The following WWOX variants were observed in gnomAD, a reference collection of about 807,000 sequenced individuals.
WWOX encodes WW domain containing oxidoreductase.
Under a neutral mutation model 46.2 loss-of-function variants are expected in WWOX, and 69 were observed. That is an observed-to-expected ratio of 1.49 (90% CI 1.23 to 1.82). WWOX has a LOEUF of 1.82. Among genes scored for constraint, WWOX ranks in the 40% most tolerant of loss-of-function variants. The probability of loss-of-function intolerance (pLI) is 0.00; values close to 1 mark genes in which losing one functional copy is unlikely to be tolerated. For synonymous variants in WWOX, 359 were observed against 202.6 expected (o/e 1.77, Z -6.56); for missense variants, 919 against 542.6 (o/e 1.69, Z -6.89).
chr16:78,914,826 C>T (rs148184835), intron 8 of WWOX, among the ~76,000 whole-genome samples: 2 of 147,820 alleles, frequency 1.4e-5, no homozygotes, highest in East Asian at 4.1e-4. Flanking sequence ...TTGCAGTGAG[C>T]CAGGATCGCG....
chr16:79,107,910 A>G (rs1365246007), intron 8 of WWOX, among the ~76,000 whole-genome samples: 1 of 152,230 alleles, frequency 6.6e-6, no homozygotes, highest in African/African-American at 2.4e-5. Context: ...GGGATTTTGG[A>G]AAATGATTAG....
chr16:78,452,383 TTTAA>T (rs1275992411), intron 8 of WWOX, among the ~76,000 whole-genome samples: 1 of 152,178 alleles, frequency 6.6e-6, no homozygotes, highest in African/African-American at 2.4e-5. Flanking sequence ...TGGCAGATCT[TTTAA>T]TTAGATATGT....
intron 8 of WWOX, among the ~76,000 whole-genome samples, chr16:78,910,504 T>C (rs2045081462): frequency 1.4e-5 from 1 of 71,380 alleles, no homozygotes; most frequent in Admixed American, 1.4e-4. Context: ...TCAGGATCTT[T>C]TGTTTTTTTT....
At chr16:79,068,924 C>T (rs1241203954) in intron 8 of WWOX, among the ~76,000 whole-genome samples, 1 of 151,850 alleles carries the variant, frequency 6.6e-6, no homozygotes, top group African/African-American at 2.4e-5. Context: ...GTCTGATGCC[C>T]ACGCTTAACC....
At chr16:78,315,171 C>T (rs995314609) in intron 5 of WWOX, among the ~76,000 whole-genome samples, 3 of 152,108 alleles carry the variant, frequency 2.0e-5, no homozygotes, top group South Asian at 4.1e-4. Flanking sequence ...AAACTCTGAA[C>T]GCGAGGCCAA....
intron 8 of WWOX, among the ~76,000 whole-genome samples, chr16:78,778,942 T>G (rs899956529): frequency 6.6e-6 from 1 of 152,160 alleles, no homozygotes; most frequent in Non-Finnish European, 1.5e-5. Flanking sequence ...GTTCACCCCT[T>G]GGCAATAATC....
At chr16:78,302,035 A>G (rs919814675) in intron 5 of WWOX, among the ~76,000 whole-genome samples, 3 of 151,086 alleles carry the variant, frequency 2.0e-5, no homozygotes, top group Non-Finnish European at 4.4e-5. Context: ...ATCTCAGCTG[A>G]TTGTAACCTC....
At chr16:78,120,438 C>T (rs182317027) in intron 4 of WWOX, among the ~76,000 whole-genome samples, 3 of 152,110 alleles carry the variant, frequency 2.0e-5, no homozygotes, top group Admixed American at 1.3e-4. Context: ...GGCGCAGTGG[C>T]GGGCGCCTGT....
chr16:78,368,428 C>G (rs944703058), intron 5 of WWOX, among the ~76,000 whole-genome samples: 9 of 152,132 alleles, frequency 5.9e-5, no homozygotes, highest in African/African-American at 2.2e-4. Context: ...TCACTGCTGT[C>G]CTTTGGTTTT....
At chr16:78,499,551 A>G (rs1018358733) in intron 8 of WWOX, among the ~76,000 whole-genome samples, 4 of 152,218 alleles carry the variant, frequency 2.6e-5, no homozygotes, top group Non-Finnish European at 4.4e-5. Flanking sequence ...TGAGTCCACA[A>G]TGCCGGGCGG....
In WWOX at chr16:78,388,625, G is replaced by A. The variant is rs369585417; in HGVS notation, c.605+1677G>A. On this transcript the variant is annotated intron_variant, in intron 6 of 8. Coordinates refer to ENST00000566780, the MANE Select transcript of WWOX (RefSeq NM_016373.4). Reference sequence around the variant, plus strand: ...TGGCACCACTGCACTCCAGCCTGGCGACAGATTGAGACTCCGTCTCAAAAA... The same window carrying A: ...TGGCACCACTGCACTCCAGCCTGGCAACAGATTGAGACTCCGTCTCAAAAA... 2.0e-3 allele frequency among the ~76,000 whole-genome samples: 224 copies of A among 113,500 alleles called. 1 individual carries two copies. Among genetic ancestry groups the A allele is most frequent in the African/African-American group, 7.9e-3 (216 of 27,230 alleles). 74.5% of individuals were successfully genotyped at this position (113,500 alleles called of 152,430 possible). A position where few individuals can be genotyped will look rare whatever the true frequency, so the allele number is the denominator to read the frequency against.
intron 8 of WWOX, among the ~76,000 whole-genome samples, chr16:78,916,736 C>G (rs2045260950): frequency 6.6e-6 from 1 of 152,164 alleles, no homozygotes; most frequent in Admixed American, 6.5e-5. Context: ...AAACTCTAAA[C>G]TAAGTGTCTG....
At chr16:78,375,756 C>T (rs2151925309) in intron 5 of WWOX, among the ~76,000 whole-genome samples, 1 of 151,970 alleles carries the variant, frequency 6.6e-6, no homozygotes, top group African/African-American at 2.4e-5. Flanking sequence ...ATTTGTATTG[C>T]AGCATTGCTT....
At position 78,891,449 on chromosome 16, in the gene WWOX, G is replaced by A. The variant is rs1055646012; in HGVS notation, c.1057-320159G>A. The A allele has an allele frequency of 1.1e-4, 16 of 152,272 alleles. 1 individual carries two copies. Among genetic ancestry groups the A allele is most frequent in the Admixed American group, 8.5e-4 (13 of 15,284 alleles). The allele number at this position is 152,272 out of a possible 1,614,324, so 9.4% of individuals were successfully genotyped here. A position where few individuals can be genotyped will look rare whatever the true frequency, so the allele number is the denominator to read the frequency against. ...ACTAAAAGTAATTAGCATAAGACCT[G>A]CTGGACCTGTAGAAGTGACTGGATG... On this transcript the variant is annotated intron_variant, in intron 8 of 8. Coordinates refer to ENST00000566780, the MANE Select transcript of WWOX (RefSeq NM_016373.4).
chr16:78,681,238 C>T (rs7197165), intron 8 of WWOX, among the ~76,000 whole-genome samples: 1 of 151,788 alleles, frequency 6.6e-6, no homozygotes, highest in African/African-American at 2.4e-5. Context: ...AAGACTGTCT[C>T]ATAAATAAAT....
intron 8 of WWOX, among the ~76,000 whole-genome samples, chr16:78,943,391 A>T (rs984978311): frequency 1.1e-4 from 17 of 148,270 alleles, no homozygotes; most frequent in African/African-American, 4.5e-4. Flanking sequence ...CTCCGACTGC[A>T]TCGCCACTCC....
At chr16:78,909,063 T>C (rs1038269629) in intron 8 of WWOX, among the ~76,000 whole-genome samples, 5 of 152,226 alleles carry the variant, frequency 3.3e-5, no homozygotes, top group African/African-American at 1.2e-4. Flanking sequence ...AACCGTAAAC[T>C]AAGTTCCTCT....
intron 5 of WWOX, among the ~76,000 whole-genome samples, chr16:78,190,057 AT>A (rs2035835915): frequency 6.6e-6 from 1 of 152,214 alleles, no homozygotes. Context: ...CTTGGTATTA[AT>A]AGCTCCATCT....
chr16:78,888,594 A>C (rs1001327722), intron 8 of WWOX, among the ~76,000 whole-genome samples: 2 of 152,124 alleles, frequency 1.3e-5, no homozygotes, highest in Non-Finnish European at 2.9e-5. Flanking sequence ...GACAGCTGTC[A>C]TTCTAATGAG....
Sources: gnomAD v4.1 joint callset for allele counts (sites outside exome capture counted in the v4.1 genomes callset) on GRCh38, gnomAD v4.1.1 for gene constraint, MANE v1.5 for transcripts, NCBI Gene and HGNC (gene_info 2026-07-23, HGNC 2026-07-21) for gene names.